The following LCP1 variants were observed in gnomAD, a reference collection of about 807,000 sequenced individuals.
LCP1 encodes the protein lymphocyte cytosolic protein 1, also known as plastin-2.
A neutral mutation model predicts 72.0 loss-of-function variants in LCP1; 23 were observed. The ratio of observed to expected loss-of-function variants is 0.32; its 90% CI spans 0.23 to 0.45. LCP1 has a LOEUF of 0.45. Among genes scored for constraint, LCP1 ranks in the 20% least tolerant of loss-of-function variants. The pLI, the probability that LCP1 is intolerant of heterozygous loss-of-function variation, is 1.00. For synonymous variants in LCP1, 245 were observed against 275.4 expected (o/e 0.89, Z 1.09); for missense variants, 571 against 748.3 (o/e 0.76, Z 2.76).
At chr13:46,154,687 G>A (rs929955941) in intron 6 of LCP1, 118 bp downstream of exon 6, 5 of 762,600 alleles carry the variant, frequency 6.6e-6, no homozygotes, top group Non-Finnish European at 1.1e-5. Flanking sequence ...CAAGTCACCA[G>A]CCCAAAGCCT....
At chr13:46,159,174 T>G in intron 2 of LCP1, 185 bp from the exon 3 acceptor site, 1 of 594,168 alleles carries the variant, frequency 1.7e-6, no homozygotes, top group South Asian at 2.1e-5. Flanking sequence ...GGCACCAGCA[T>G]TACTTTCAAC....
chr13:46,171,321 G>A (rs2045903394), intron 1 of LCP1, among the ~76,000 whole-genome samples: 1 of 152,098 alleles, frequency 6.6e-6, no homozygotes, highest in South Asian at 2.1e-4. Flanking sequence ...GAGTTTCCCT[G>A]CCATCCTTTG....
chr13:46,151,266 C>T (rs935796822), intron 7 of LCP1, among the ~76,000 whole-genome samples, 188 bp from the exon 8 acceptor site: 7 of 152,126 alleles, frequency 4.6e-5, no homozygotes, highest in Non-Finnish European at 8.8e-5. Flanking sequence ...AGGCGTAAGC[C>T]ATTGTGAGCT....
At chr13:46,173,518 G>A (rs1279288890) in intron 1 of LCP1, among the ~76,000 whole-genome samples, 1 of 152,188 alleles carries the variant, frequency 6.6e-6, no homozygotes, top group African/African-American at 2.4e-5. Context: ...TTATCTTGGA[G>A]AACAAATCCC....
At chr13:46,166,171 C>T (rs1449484243) in intron 1 of LCP1, among the ~76,000 whole-genome samples, 1 of 152,184 alleles carries the variant, frequency 6.6e-6, no homozygotes, top group African/African-American at 2.4e-5. Flanking sequence ...TACTCTTGAA[C>T]ACAGTGCTGC....
intron 1 of LCP1, among the ~76,000 whole-genome samples, chr13:46,166,719 T>C (rs895465475): frequency 1.3e-5 from 2 of 152,082 alleles, no homozygotes; most frequent in African/African-American, 4.8e-5. Flanking sequence ...CAAAATAAAA[T>C]ACCCATACAT....
intron 8 of LCP1, among the ~76,000 whole-genome samples, chr13:46,150,060 G>C (rs377427918): frequency 1.3e-5 from 2 of 152,202 alleles, no homozygotes; most frequent in South Asian, 4.1e-4. Context: ...CTGAATGCAC[G>C]TCATATAGCA....
At chr13:46,129,109 C>T (rs370995307) in intron 15 of LCP1, among the ~76,000 whole-genome samples, 10 of 152,192 alleles carry the variant, frequency 6.6e-5, no homozygotes, top group South Asian at 2.1e-4. Flanking sequence ...AGAGGGAAAA[C>T]GGTCTGAAAA....
chr13:46,159,381 C>G, intron 2 of LCP1: 1 of 561,464 alleles, frequency 1.8e-6, no homozygotes, highest in Admixed American at 3.4e-5. Context: ...CAGGAACAAA[C>G]TATGTAAGAG....
chr13:46,149,051 A>G (rs531377306), intron 8 of LCP1, among the ~76,000 whole-genome samples: 14 of 152,312 alleles, frequency 9.2e-5, no homozygotes, highest in African/African-American at 3.4e-4. Context: ...TGAATTCTCA[A>G]GTTTTCTTAG....
intron 10 of LCP1, among the ~76,000 whole-genome samples, chr13:46,145,045 G>A (rs1224482528): frequency 6.6e-6 from 1 of 152,108 alleles, no homozygotes; most frequent in Non-Finnish European, 1.5e-5. Flanking sequence ...CATACAAAGG[G>A]AGCAACAGGC....
chr13:46,142,482 CAGAT>C, intron 12 of LCP1, 57 bp from the exon 13 acceptor site: 1 of 1,530,100 alleles, frequency 6.5e-7, no homozygotes, highest in East Asian at 2.3e-5. Flanking sequence ...TGATAAATAC[CAGAT>C]AAATAATAAA....
intron 10 of LCP1, 52 bp from the exon 11 acceptor site, chr13:46,144,572 T>C: frequency 7.8e-7 from 1 of 1,286,120 alleles, no homozygotes; most frequent in Non-Finnish European, 1.1e-6. Flanking sequence ...ACATAGCTTT[T>C]TTATGACCAA....
intron 5 of LCP1, 103 bp downstream of exon 5, chr13:46,156,335 A>T: frequency 7.4e-7 from 1 of 1,351,344 alleles, no homozygotes; most frequent in East Asian, 2.3e-5. Flanking sequence ...TTCTAGGTGC[A>T]GCTGAGCACC....
At chr13:46,153,000 A>T in intron 6 of LCP1, 55 bp from the exon 7 acceptor site, 1 of 1,493,558 alleles carries the variant, frequency 6.7e-7, no homozygotes, top group Non-Finnish European at 9.1e-7. Flanking sequence ...GATGCCAAAT[A>T]ATACCGATGG....
intron 13 of LCP1, among the ~76,000 whole-genome samples, chr13:46,140,890 A>C (rs912092507): frequency 3.3e-5 from 5 of 152,220 alleles, no homozygotes; most frequent in Non-Finnish European, 7.3e-5. Flanking sequence ...AAAACACAGC[A>C]ATACAAGTTA....
intron 1 of LCP1, among the ~76,000 whole-genome samples, chr13:46,180,268 A>T (rs1050697124): frequency 6.6e-6 from 1 of 152,190 alleles, no homozygotes; most frequent in African/African-American, 2.4e-5. Context: ...GAGGTAATGC[A>T]TAAAGAGTAG....
At position 46,126,076 on chromosome 13, in the gene LCP1, T is replaced by G. The variant is rs1482167138; in HGVS notation, c.*1515A>C. ...GAAGTCAAAACCAACCAATTTGTAT[T>G]CAGAAGCAGCAAAAATACTGGTTAT... is the stretch of plus-strand genomic sequence containing the variant. On this transcript the variant is annotated 3_prime_UTR_variant, in exon 16 of 16. Coordinates refer to ENST00000323076, the MANE Select transcript of LCP1 (RefSeq NM_002298.5). 4.7e-6 allele frequency: 1 copy of G among 212,966 alleles called. No homozygotes were observed. 13.2% of individuals were successfully genotyped at this position (212,966 alleles called of 1,614,324 possible).
chr13:46,178,279 C>A (rs775451911), intron 1 of LCP1, among the ~76,000 whole-genome samples: 1 of 152,114 alleles, frequency 6.6e-6, no homozygotes, highest in Non-Finnish European at 1.5e-5. Flanking sequence ...CACTCCCCCC[C>A]ATCCCCCACC....
Sources: allele counts gnomAD v4.1 joint callset (sites outside exome capture counted in the v4.1 genomes callset), GRCh38; gene constraint gnomAD v4.1.1; transcripts MANE v1.5; gene names NCBI Gene and HGNC (gene_info 2026-07-23, HGNC 2026-07-21).